The following AGBL4 variants were observed in gnomAD, a reference collection of about 807,000 sequenced individuals.
The protein encoded by AGBL4 is cytosolic carboxypeptidase 6.
Under a neutral mutation model 66.4 loss-of-function variants are expected in AGBL4, and 58 were observed. The ratio of observed to expected loss-of-function variants is 0.87; its 90% CI spans 0.71 to 1.09. The LOEUF is 1.09. Among genes scored for constraint, AGBL4 ranks in the 50% least tolerant of loss-of-function variants. AGBL4 has a pLI of 0.00. For missense variants in AGBL4, 579 were observed against 631.0 expected (o/e 0.92, Z 0.88); for synonymous variants, 234 against 222.9 (o/e 1.05, Z -0.44).
chr1:49,745,322 T>A (rs1458853147), intron 2 of AGBL4, among the ~76,000 whole-genome samples: 1 of 152,072 alleles, frequency 6.6e-6, no homozygotes, highest in African/African-American at 2.4e-5. Context: ...AACAGTACAC[T>A]AAGCTATTTT....
At chr1:49,742,734 C>T (rs912405229) in intron 2 of AGBL4, among the ~76,000 whole-genome samples, 3 of 152,084 alleles carry the variant, frequency 2.0e-5, no homozygotes, top group African/African-American at 7.3e-5. Context: ...ACAGAGCCCT[C>T]GGAAATAATG....
chr1:49,959,699 A>G (rs1656962500), intron 1 of AGBL4, among the ~76,000 whole-genome samples: 1 of 152,116 alleles, frequency 6.6e-6, no homozygotes, highest in Non-Finnish European at 1.5e-5. Context: ...CCAAAGGGAT[A>G]TAAATTGTTC....
At chr1:49,134,475 G>GCCCC (rs57286157) in intron 4 of AGBL4, among the ~76,000 whole-genome samples, 55 of 112,698 alleles carry the variant, frequency 4.9e-4, no homozygotes, top group Middle Eastern at 4.0e-3. Context: ...ATTTTGGAGG[G>GCCCC]CCCCCCCCCC....
intron 1 of AGBL4, among the ~76,000 whole-genome samples, chr1:49,891,967 G>C (rs539624410): frequency 1.3e-5 from 2 of 152,250 alleles, no homozygotes; most frequent in Admixed American, 1.3e-4. Context: ...CAACTTGCTG[G>C]ATAAGACGGC....
intron 8 of AGBL4, among the ~76,000 whole-genome samples, chr1:48,643,555 T>C (rs1478242458): frequency 6.6e-6 from 1 of 152,210 alleles, no homozygotes; most frequent in Non-Finnish European, 1.5e-5. Flanking sequence ...GGCAAATGAC[T>C]TAACCTCTCT....
At chr1:50,018,308 G>T (rs1662145692) in intron 1 of AGBL4, among the ~76,000 whole-genome samples, 1 of 152,012 alleles carries the variant, frequency 6.6e-6, no homozygotes, top group African/African-American at 2.4e-5. Flanking sequence ...TTAAAAAAGA[G>T]AAATTTGTTT....
intron 5 of AGBL4, among the ~76,000 whole-genome samples, chr1:48,992,272 G>T (rs1660656666): frequency 6.6e-6 from 1 of 151,970 alleles, no homozygotes; most frequent in Non-Finnish European, 1.5e-5. Flanking sequence ...CTGTCTTGGT[G>T]GTCTTGGAAA....
At chr1:48,539,544 T>C (rs1341226545) in intron 12 of AGBL4, 98 bp downstream of exon 12, 6 of 896,182 alleles carry the variant, frequency 6.7e-6, no homozygotes, top group Non-Finnish European at 9.5e-6. Flanking sequence ...GCGGCACAGA[T>C]GGGATGCTGA....
chr1:48,672,007 A>G (rs1406199301), intron 6 of AGBL4, among the ~76,000 whole-genome samples: 2 of 152,242 alleles, frequency 1.3e-5, no homozygotes, highest in African/African-American at 4.8e-5. Flanking sequence ...CCCTTTTGCA[A>G]CAAGGACAAC....
chr1:49,170,720 A>G (rs1185518314), intron 4 of AGBL4, among the ~76,000 whole-genome samples: 1 of 151,458 alleles, frequency 6.6e-6, no homozygotes, highest in East Asian at 1.9e-4. Flanking sequence ...AACATTTAAA[A>G]CTTATCCTTG....
rs1481423840 is a variant in AGBL4, at chr1:49,775,541, T to G, written c.157+75855A>C. Among the ~76,000 whole-genome samples, 3 of 152,244 alleles carry G rather than the reference T, an allele frequency of 2.0e-5. No individual in the cohort carries two copies. The East Asian group carries it at 5.8e-4, about 29-fold the overall frequency. On this transcript the variant is annotated intron_variant, in intron 2 of 13. Coordinates refer to ENST00000371839, the MANE Select transcript of AGBL4 (RefSeq NM_032785.4). ...ATTTATTTTGACATTTTTAAAAAGA[T>G]AAATTTTTCCCCAAACCAAAGTTTT...
At chr1:49,293,034 G>T (rs1227790897) in intron 3 of AGBL4, among the ~76,000 whole-genome samples, 1 of 152,224 alleles carries the variant, frequency 6.6e-6, no homozygotes, top group Non-Finnish European at 1.5e-5. Flanking sequence ...AGACCTGGGA[G>T]CTCCCTGAGC....
intron 5 of AGBL4, among the ~76,000 whole-genome samples, chr1:48,888,658 G>A (rs533412136): frequency 6.6e-6 from 1 of 151,550 alleles, no homozygotes; most frequent in African/African-American, 2.4e-5. Context: ...TTATGGAATC[G>A]TGAATCCATT....
At chr1:49,376,071 G>A (rs1644465919) in intron 3 of AGBL4, among the ~76,000 whole-genome samples, 1 of 152,106 alleles carries the variant, frequency 6.6e-6, no homozygotes, top group Non-Finnish European at 1.5e-5. Flanking sequence ...GTCTCAGCAT[G>A]GCATTTTAAA....
intron 6 of AGBL4, among the ~76,000 whole-genome samples, chr1:48,699,016 A>C (rs6695778): frequency 0.1 from 15,170 of 152,110 alleles, 1,390 homozygotes; most frequent in African/African-American, 0.25. Flanking sequence ...TGGACCATAT[A>C]TTTCTCTAGC....
At chr1:49,920,493 CTCA>C (rs1652108704) in intron 1 of AGBL4, among the ~76,000 whole-genome samples, 1 of 152,138 alleles carries the variant, frequency 6.6e-6, no homozygotes, top group Non-Finnish European at 1.5e-5. Flanking sequence ...TGAAAAAATG[CTCA>C]TCATCACTGG....
rs556056099 is a variant in AGBL4, at chr1:48,735,134, G to T, written c.635-71893C>A. Among the ~76,000 whole-genome samples the T allele has an allele frequency of 2.6e-5, 4 of 152,324 alleles. No homozygotes were observed. The South Asian group carries it at 8.3e-4, about 32-fold the overall frequency. On this transcript the variant is annotated intron_variant, in intron 6 of 13. Transcript: ENST00000371839. ...ATACATAAAAGTGTTTTTTAAAAGA[G>T]AACCATTTAACAAAAACCCCTAAAT...
chr1:48,776,844 G>C (rs1357256071), intron 6 of AGBL4: 22 of 1,493,878 alleles, frequency 1.5e-5, no homozygotes, highest in South Asian at 2.6e-5. Flanking sequence ...TGGGCGCCGG[G>C]GGCGGGCCCC....
At chr1:49,844,796 T>A (rs541353345) in intron 2 of AGBL4, 2 of 1,565,402 alleles carry the variant, frequency 1.3e-6, no homozygotes, top group East Asian at 4.5e-5. Context: ...TGGGATGGTC[T>A]GTGGTACTGC....
Sources: gnomAD v4.1 joint callset for allele counts (sites outside exome capture counted in the v4.1 genomes callset) on GRCh38, gnomAD v4.1.1 for gene constraint, MANE v1.5 for transcripts, NCBI Gene and HGNC (gene_info 2026-07-23, HGNC 2026-07-21) for gene names.